Variants in PMEPA1 observed in about 807,000 individuals in gnomAD.
The protein encoded by PMEPA1 is protein TMEPAI.
A neutral mutation model predicts 23.0 loss-of-function variants in PMEPA1; 11 were observed. That is an observed-to-expected ratio of 0.48 (90% CI 0.30 to 0.79). The LOEUF (loss-of-function observed/expected upper bound fraction) is 0.79. PMEPA1 is among the 30% of genes least tolerant of loss of function. The pLI is 0.06. For synonymous variants in PMEPA1, 204 were observed against 166.4 expected (o/e 1.23, Z -1.74); for missense variants, 377 against 390.9 (o/e 0.96, Z 0.30).
At position 57,659,690 on chromosome 20, in the gene PMEPA1, C is replaced by T; in HGVS notation, c.117G>A (p.Leu39=). 6.3e-7 allele frequency: 1 copy of T among 1,576,178 alleles called. No homozygotes were observed. Among genetic ancestry groups the T allele is most frequent in the South Asian group, 1.2e-5 (1 of 86,160 alleles). ...CGATGATGATGATCTGAACAAACTC[C>T]AGCTCCGCTGTGGAGACAAAGAGGG... is the stretch of plus-strand genomic sequence containing the variant. The part of the protein sequence containing the change: ...SLFQSMEITE[L]EFVQIIIIVV... The change falls in exon 2 of 4, where the codon CTG becomes CTA. Residue 39 remains leucine (L), a synonymous_variant. Transcript: ENST00000341744.
Position 57,652,983 on chromosome 20 carries a change from A to T in PMEPA1, c.318+50T>A, listed in dbSNP as rs778024019. On this transcript the variant is annotated intron_variant, in intron 3 of 3. Transcript: ENST00000341744. This position sits in a 1 kb window ranked among gnomAD's most constrained non-coding sequence, Gnocchi z 6.1. The stretch of plus-strand genomic sequence containing the variant: ...ACACTGTTCCAGCCGCAGCGGGAGC[A>T]GCCCAGGGTGGGATGGGGGTGTTGG... The T allele has an allele frequency of 6.8e-7, 1 of 1,480,338 alleles. No homozygotes were observed. Among genetic ancestry groups the T allele is most frequent in the Non-Finnish European group, 9.3e-7 (1 of 1,075,726 alleles). The allele number at this position is 1,480,338 out of a possible 1,614,324, so 91.7% of individuals were successfully genotyped here.
intron 1 of PMEPA1, chr20:57,699,955 T>A (rs559228856): frequency 1.4e-4 from 62 of 456,004 alleles, no homozygotes; most frequent in African/African-American, 1.1e-3. Flanking sequence ...ATATCATACA[T>A]AAAATACAAA....
chr20:57,664,394 T>C (rs2071464430), intron 1 of PMEPA1, among the ~76,000 whole-genome samples: 1 of 152,080 alleles, frequency 6.6e-6, no homozygotes, highest in Non-Finnish European at 1.5e-5. Context: ...GTCCCACACA[T>C]CCCTCTGGGC....
At chr20:57,691,756 C>G (rs1368321545) in intron 1 of PMEPA1, 2 of 152,288 alleles carry the variant, frequency 1.3e-5, no homozygotes, top group Non-Finnish European at 2.9e-5. Flanking sequence ...CACCATCTCC[C>G]GGTCCAGACT....
In PMEPA1 at chr20:57,652,626, AG is replaced by A; in HGVS notation, c.319-29del. 4.2e-6 allele frequency: 6 copies of A among 1,442,416 alleles called. No individual in the cohort carries two copies. Among genetic ancestry groups the A allele is most frequent in the Non-Finnish European group, 5.5e-6 (6 of 1,099,278 alleles). The allele number at this position is 1,442,416 out of a possible 1,614,324, so 89.4% of individuals were successfully genotyped here. Reference sequence around the variant, plus strand: ...GGAGGAAGCAGAGCGGGAGTGAGGGAGGGCGGCTGTCTCAGGTGGGTTGTCC... The same window carrying A: ...GGAGGAAGCAGAGCGGGAGTGAGGGAGGCGGCTGTCTCAGGTGGGTTGTCC... On this transcript the variant is annotated intron_variant, in intron 3 of 3. Coordinates refer to ENST00000341744, the MANE Select transcript of PMEPA1 (RefSeq NM_020182.5). This position sits in a 1 kb window ranked among gnomAD's most constrained non-coding sequence, Gnocchi z 6.1.
chr20:57,655,994 G>A lies in PMEPA1; in HGVS notation c.265-2908C>T, dbSNP rs747709018. 2.0e-5 allele frequency among the ~76,000 whole-genome samples: 3 copies of A among 151,966 alleles called. No individual in the cohort carries two copies. Among genetic ancestry groups the A allele is most frequent in the Admixed American group, 6.5e-5 (1 of 15,280 alleles). ...AACCAGGCAGCCGCAGTGAGCTGACGCTCAGGCAGCTCCTCCCAGACCCCT... is the reference window on the plus strand; with the variant it reads ...AACCAGGCAGCCGCAGTGAGCTGACACTCAGGCAGCTCCTCCCAGACCCCT... On this transcript the variant is annotated intron_variant, in intron 2 of 3. Transcript: ENST00000341744. This position sits in a 1 kb window ranked among gnomAD's most constrained non-coding sequence, Gnocchi z 4.2.
intron 1 of PMEPA1, among the ~76,000 whole-genome samples, chr20:57,699,208 A>G (rs1038049056): frequency 2.0e-5 from 3 of 152,196 alleles, no homozygotes; most frequent in African/African-American, 7.2e-5. Flanking sequence ...GTGCAAGCCT[A>G]GTGGGCAGCT....
intron 1 of PMEPA1, among the ~76,000 whole-genome samples, chr20:57,690,151 G>C (rs983756935): frequency 2.0e-5 from 3 of 152,246 alleles, no homozygotes; most frequent in African/African-American, 7.2e-5. Context: ...CTTTCAGCCT[G>C]GGGGCCTCCA....
intron 1 of PMEPA1, among the ~76,000 whole-genome samples, chr20:57,699,514 C>G (rs2071983742): frequency 6.6e-6 from 1 of 152,124 alleles, no homozygotes; most frequent in South Asian, 2.1e-4. Flanking sequence ...GCCCCAGGAC[C>G]CCGCCACAGT....
rs1219934277 is a variant in PMEPA1 at position 57,704,917 on chromosome 20, C to A, written c.109+4557G>T. 1.3e-5 allele frequency among the ~76,000 whole-genome samples: 2 copies of A among 152,192 alleles called. No individual in the cohort carries two copies. Among genetic ancestry groups the A allele is most frequent in the Non-Finnish European group, 2.9e-5 (2 of 68,032 alleles). On this transcript the variant is annotated intron_variant, in intron 1 of 3. Transcript: ENST00000341744. The surrounding 1 kb of genome is among the most constrained non-coding windows in gnomAD (Gnocchi z 4.6). The stretch of plus-strand genomic sequence containing the variant: ...CTTCCAGCCTCCACAGACCTCCCGA[C>A]GGCCTCCCTTCTCCTGGGCAGCGGC...
At chr20:57,707,785 G>C (rs914812697) in intron 1 of PMEPA1, among the ~76,000 whole-genome samples, 1 of 151,922 alleles carries the variant, frequency 6.6e-6, no homozygotes, top group African/African-American at 2.4e-5. Context: ...TTTACAGAGC[G>C]AAAGGCAAAA....
At chr20:57,705,143 G>A (rs1394473695) in intron 1 of PMEPA1, among the ~76,000 whole-genome samples, 2 of 152,246 alleles carry the variant, frequency 1.3e-5, no homozygotes, top group East Asian at 1.9e-4. Context: ...GCGCGTGTGT[G>A]TGTCTGCACG....
At chr20:57,686,067 G>T (rs2071797084) in intron 1 of PMEPA1, among the ~76,000 whole-genome samples, 2 of 152,104 alleles carry the variant, frequency 1.3e-5, no homozygotes, top group African/African-American at 4.8e-5. Flanking sequence ...CTGGGGAGTG[G>T]GCCTCCATGC....
At chr20:57,685,604 G>C (rs1217843393) in intron 1 of PMEPA1, among the ~76,000 whole-genome samples, 2 of 152,138 alleles carry the variant, frequency 1.3e-5, no homozygotes, top group African/African-American at 2.4e-5. Context: ...GACTGGCTGG[G>C]GGGAGGGGGC....
intron 1 of PMEPA1, among the ~76,000 whole-genome samples, chr20:57,675,220 G>A (rs1409399052): frequency 6.8e-6 from 1 of 146,662 alleles, no homozygotes; most frequent in East Asian, 2.0e-4. Context: ...GACTTTCCCT[G>A]TGCCTGGGAC....
chr20:57,674,641 G>A lies in PMEPA1; in HGVS notation c.110-14944C>T, dbSNP rs144142292. Among the ~76,000 whole-genome samples the A allele has an allele frequency of 9.2e-5, 14 of 152,364 alleles. No homozygotes were observed. In the East Asian group the frequency reaches 2.7e-3, roughly 29 times the overall value. ...CTGCCCTCTGTCTCCATGCAGGGAC[G>A]CCCAGGGGGATGTCTTATTTTATTT... is the stretch of plus-strand genomic sequence containing the variant. On this transcript the variant is annotated intron_variant, in intron 1 of 3. Coordinates refer to ENST00000341744, the MANE Select transcript of PMEPA1 (RefSeq NM_020182.5).
chr20:57,663,898 G>A (rs766207526), intron 1 of PMEPA1, among the ~76,000 whole-genome samples: 8 of 152,222 alleles, frequency 5.3e-5, no homozygotes, highest in Non-Finnish European at 1.0e-4. Flanking sequence ...CCACCGGCGC[G>A]GATGCTGTGC....
At chr20:57,690,318 C>T (rs2071861944) in intron 1 of PMEPA1, 1 of 804,656 alleles carries the variant, frequency 1.2e-6, no homozygotes, top group Non-Finnish European at 1.9e-6. Flanking sequence ...GCACCCACCC[C>T]CACCACTGCC....
chr20:57,676,685 GA>G (rs2071641175), intron 1 of PMEPA1, among the ~76,000 whole-genome samples: 1 of 152,158 alleles, frequency 6.6e-6, no homozygotes, highest in South Asian at 2.1e-4. Flanking sequence ...TCCTGCCCTC[GA>G]GGGGCGGAGC....
Sources: allele counts gnomAD v4.1 joint callset (sites outside exome capture counted in the v4.1 genomes callset), GRCh38; gene constraint gnomAD v4.1.1; non-coding constraint Gnocchi (gnomAD v3.1); transcripts MANE v1.5; gene names NCBI Gene and HGNC (gene_info 2026-07-23, HGNC 2026-07-21).